The following ALK variants were observed in gnomAD, a reference collection of about 807,000 sequenced individuals.
The protein encoded by ALK is ALK tyrosine kinase receptor.
A neutral mutation model predicts 163.1 loss-of-function variants in ALK; 74 were observed. The observed-to-expected ratio is 0.45, with a 90% CI of 0.38 to 0.55. The LOEUF is 0.55. ALK is among the 20% of genes least tolerant of loss of function. The pLI, the probability that ALK is intolerant of heterozygous loss-of-function variation, is 0.00. For missense variants in ALK, 2,063 were observed against 2,105.3 expected, an observed-to-expected ratio of 0.98 and a Z score of 0.39; for synonymous variants, 960 against 843.2, an observed-to-expected ratio of 1.14 and a Z score of -2.40.
At chr2:29,736,267 C>A (rs549102032) in intron 1 of ALK, among the ~76,000 whole-genome samples, 1 of 151,854 alleles carries the variant, frequency 6.6e-6, no homozygotes, top group Non-Finnish European at 1.5e-5. Context: ...AAAGAAAATG[C>A]CTGGAAGGAA....
At chr2:29,434,185 A>T (rs1227295247) in intron 4 of ALK, among the ~76,000 whole-genome samples, 2 of 152,218 alleles carry the variant, frequency 1.3e-5, no homozygotes, top group Non-Finnish European at 2.9e-5. Context: ...TTTTAACTGA[A>T]TATTTTAAGA....
chr2:29,831,907 A>G (rs1438337564), intron 1 of ALK, among the ~76,000 whole-genome samples: 1 of 152,220 alleles, frequency 6.6e-6, no homozygotes, highest in Non-Finnish European at 1.5e-5. Flanking sequence ...TTTTCACTGC[A>G]TGCTTAATTC....
intron 1 of ALK, among the ~76,000 whole-genome samples, chr2:29,850,952 C>T (rs1370218628): frequency 2.0e-5 from 3 of 152,322 alleles, no homozygotes; most frequent in East Asian, 1.9e-4. Context: ...TCACCGGTGC[C>T]GGTGTGTGCG....
intron 4 of ALK, 23 bp from the exon 5 acceptor site, chr2:29,383,882 G>A (rs762877040): frequency 2.5e-6 from 4 of 1,613,930 alleles, no homozygotes; most frequent in Non-Finnish European, 3.4e-6. Flanking sequence ...GAAAACAGAG[G>A]AGAAAAGCAT....
chr2:29,700,788 T>C (rs968784575), intron 2 of ALK, among the ~76,000 whole-genome samples: 2 of 152,208 alleles, frequency 1.3e-5, no homozygotes, highest in African/African-American at 2.4e-5. Flanking sequence ...TTGTGGTAAG[T>C]ATCAGAAAAC....
intron 1 of ALK, among the ~76,000 whole-genome samples, chr2:29,888,188 C>T (rs1187901200): frequency 6.6e-6 from 1 of 150,940 alleles, no homozygotes; most frequent in African/African-American, 2.4e-5. Flanking sequence ...ATTACCATGG[C>T]TGTTCCTAGC....
intron 4 of ALK, among the ~76,000 whole-genome samples, chr2:29,421,742 G>C (rs1670020223): frequency 6.6e-6 from 1 of 151,428 alleles, no homozygotes; most frequent in South Asian, 2.1e-4. Flanking sequence ...TCAGGCATGA[G>C]ACTCCTAAGT....
intron 3 of ALK, among the ~76,000 whole-genome samples, chr2:29,585,566 G>A (rs780818821): frequency 1.3e-5 from 2 of 152,124 alleles, no homozygotes; most frequent in Non-Finnish European, 2.9e-5. Context: ...GACCTCAGGT[G>A]ATCCACCTGC....
intron 2 of ALK, among the ~76,000 whole-genome samples, chr2:29,705,273 A>ATATATATC (rs1678871382): frequency 2.0e-5 from 1 of 50,882 alleles, no homozygotes; most frequent in Non-Finnish European, 3.3e-5. Context: ...ATATATATAT[A>ATATATATC]TATATATAAA....
At chr2:29,202,977 T>C (rs934158028) in intron 26 of ALK, among the ~76,000 whole-genome samples, 1 of 152,216 alleles carries the variant, frequency 6.6e-6, no homozygotes, top group Non-Finnish European at 1.5e-5. Context: ...AATTACTTAA[T>C]TGCTTAAGTT....
intron 5 of ALK, among the ~76,000 whole-genome samples, chr2:29,364,107 A>G (rs72792427): frequency 6.6e-6 from 1 of 152,342 alleles, no homozygotes; most frequent in Non-Finnish European, 1.5e-5. Flanking sequence ...AATATTCTAC[A>G]TTGAATTAGA....
intron 1 of ALK, among the ~76,000 whole-genome samples, chr2:29,756,075 G>C (rs1223396227): frequency 6.6e-6 from 1 of 152,224 alleles, no homozygotes; most frequent in African/African-American, 2.4e-5. Flanking sequence ...CAGTGGCAAG[G>C]AGCCCACATC....
chr2:29,221,264 G>A (rs778070843), intron 22 of ALK: 166 of 522,860 alleles, frequency 3.2e-4, no homozygotes, highest in Non-Finnish European at 5.3e-4. Context: ...AAGTGACAGC[G>A]TGTGAAACAG....
intron 1 of ALK, among the ~76,000 whole-genome samples, chr2:29,855,993 C>T (rs752838626): frequency 7.2e-5 from 11 of 152,062 alleles, no homozygotes; most frequent in African/African-American, 1.7e-4. Context: ...AAACATAGAG[C>T]GAGCAGTACT....
chr2:29,408,547 C>T (rs545798149), intron 4 of ALK, among the ~76,000 whole-genome samples: 1 of 152,246 alleles, frequency 6.6e-6, no homozygotes, highest in East Asian at 1.9e-4. Flanking sequence ...AACCTGAAGT[C>T]AGTGTTCAAT....
intron 3 of ALK, among the ~76,000 whole-genome samples, chr2:29,637,971 T>A (rs1460878815): frequency 1.3e-5 from 2 of 152,032 alleles, no homozygotes; most frequent in Non-Finnish European, 2.9e-5. Context: ...TACAGAATTT[T>A]GAAATAAACT....
chr2:29,464,513 G>A (rs1671159272), intron 4 of ALK, among the ~76,000 whole-genome samples: 1 of 152,144 alleles, frequency 6.6e-6, no homozygotes, highest in Non-Finnish European at 1.5e-5. Context: ...AAGCCTGTGT[G>A]TGCCTTCATG....
intron 9 of ALK, among the ~76,000 whole-genome samples, chr2:29,290,336 A>G (rs536278009): frequency 1.3e-5 from 2 of 152,272 alleles, no homozygotes; most frequent in South Asian, 4.1e-4. Context: ...GCTGCCGTGG[A>G]TGGGGAGATG....
At chr2:29,428,921 A>G (rs983914743) in intron 4 of ALK, among the ~76,000 whole-genome samples, 11 of 152,016 alleles carry the variant, frequency 7.2e-5, no homozygotes, top group Non-Finnish European at 1.5e-4. Flanking sequence ...TCCATGACCA[A>G]TTAGGCTTTA....
Sources: allele counts gnomAD v4.1 joint callset (sites outside exome capture counted in the v4.1 genomes callset), GRCh38; gene constraint gnomAD v4.1.1; transcripts MANE v1.5; gene names NCBI Gene and HGNC (gene_info 2026-07-23, HGNC 2026-07-21).